Variants in PLCE1 observed in about 807,000 individuals in gnomAD.
The protein encoded by PLCE1 is phospholipase C epsilon 1.
Under a neutral mutation model 242.8 loss-of-function variants are expected in PLCE1, and 119 were observed. That is an observed-to-expected ratio of 0.49 (90% confidence interval 0.42 to 0.57). PLCE1 has a LOEUF of 0.57. Among genes scored for constraint, PLCE1 ranks in the 20% least tolerant of loss-of-function variants. The pLI is 0.00. For synonymous variants in PLCE1, 945 were observed against 1,017.4 expected (o/e 0.93, Z 1.35); for missense variants, 2,441 against 2,788.8 (o/e 0.88, Z 2.81).
intron 19 of PLCE1, among the ~76,000 whole-genome samples, chr10:94,276,585 G>A (rs2051963645): frequency 6.6e-6 from 1 of 152,038 alleles, no homozygotes; most frequent in South Asian, 2.1e-4. Context: ...TTATTATCCT[G>A]GAAGTTTGAG....
chr10:94,007,699 C>CTTTTTTTTTTT (rs80098906), intron 1 of PLCE1, among the ~76,000 whole-genome samples: 2 of 64,114 alleles, frequency 3.1e-5, no homozygotes, highest in African/African-American at 6.0e-5. Context: ...AGCCTACTTT[C>CTTTTTTTTTTT]TTTTTTTTTT....
At chr10:94,214,610 G>A (rs2049454915) in intron 4 of PLCE1, among the ~76,000 whole-genome samples, 1 of 152,064 alleles carries the variant, frequency 6.6e-6, no homozygotes, top group Non-Finnish European at 1.5e-5. Flanking sequence ...GCCAACACAG[G>A]CACACCATTT....
intron 7 of PLCE1, among the ~76,000 whole-genome samples, chr10:94,243,581 A>T (rs545821915): frequency 6.6e-6 from 1 of 152,324 alleles, no homozygotes; most frequent in African/African-American, 2.4e-5. Context: ...ATTTTCTATA[A>T]ATCTAAAACT....
In PLCE1 at chr10:94,031,133, T is replaced by C; in HGVS notation, c.87T>C (p.Ser29=). Residue 29 remains serine, a synonymous_variant, in exon 2 of 33, where the codon AGT becomes AGC. Coordinates refer to ENST00000371380, the MANE Select transcript of PLCE1 (RefSeq NM_016341.4). ...CTGCCCAGTCGGCTGCAGATGAAAGTAGTGAAAAGGTCTCAGACATCAATA... is the reference window on the plus strand; with the variant it reads ...CTGCCCAGTCGGCTGCAGATGAAAGCAGTGAAAAGGTCTCAGACATCAATA... ...VVSAQSAADE[S]SEKVSDINIS... The C allele has an allele frequency of 1.2e-6, 2 of 1,613,800 alleles. No individual in the cohort carries two copies. Among genetic ancestry groups the C allele is most frequent in the Non-Finnish European group, 1.7e-6 (2 of 1,179,824 alleles).
intron 22 of PLCE1, among the ~76,000 whole-genome samples, chr10:94,286,208 C>T (rs139627807): frequency 1.8e-4 from 28 of 152,278 alleles, no homozygotes; most frequent in Non-Finnish European, 3.8e-4. Context: ...ATAGACTTGG[C>T]CTGGAGAGAG....
chr10:94,113,267 C>T (rs1267081257), intron 2 of PLCE1, among the ~76,000 whole-genome samples: 2 of 54,776 alleles, frequency 3.7e-5, no homozygotes, highest in African/African-American at 1.1e-4. Flanking sequence ...AATAAAGCTG[C>T]TGTTAAAAAA....
rs201350449 is a variant in PLCE1, at chr10:94,254,257, G to T, written c.3347G>T (p.Arg1116Leu). The change falls in exon 10 of 33, where the codon CGA becomes CTA. Residue 1116 changes from arginine (R) to leucine (L), a missense_variant. By Grantham distance (102) the Arg-to-Leu change is moderately radical (BLOSUM62 -2). Around this residue, in one of 5 missense-constraint regions of PLCE1, gnomAD observed 1,004 missense variants for 1,322.7 expected, o/e 0.76. Transcript: ENST00000371380. ...TRKAKMHKEC[R>L]SRSGSDPQDI... ...AAGGCCAAGATGCACAAAGAGTGTC[G>T]AAGCCGGAGTGGTTCTGATCCTCAA... 6.2e-7 allele frequency: 1 copy of T among 1,614,018 alleles called. No individual in the cohort carries two copies.
intron 25 of PLCE1, among the ~76,000 whole-genome samples, chr10:94,305,036 T>C (rs992612651): frequency 7.9e-5 from 12 of 152,206 alleles, no homozygotes; most frequent in African/African-American, 2.9e-4. Flanking sequence ...TACAATTAAG[T>C]ATATTTCCTC....
rs35857376 is a variant in PLCE1, at chr10:94,229,201, C to CAA, written c.1955+1758_1955+1759dup. On this transcript the variant is annotated intron_variant, in intron 5 of 32. Coordinates refer to ENST00000371380, the MANE Select transcript of PLCE1 (RefSeq NM_016341.4). ...TGTATCAAAAAACAAAACAAACAAA[C>CAA]AAAAAAAAACAGAAAAAAGAAAATA... Among the ~76,000 whole-genome samples the CAA allele has an allele frequency of 6.8e-3, 1,015 of 148,638 alleles. 9 individuals carry two copies. The highest frequency in any genetic ancestry group is 0.011 in the African/African-American group (446 of 40,512).
intron 2 of PLCE1, among the ~76,000 whole-genome samples, chr10:94,040,358 G>A (rs537999564): frequency 2.3e-4 from 35 of 151,928 alleles, no homozygotes; most frequent in Non-Finnish European, 4.6e-4. Flanking sequence ...CCTAAATGTT[G>A]TTATCTAAAT....
intron 2 of PLCE1, among the ~76,000 whole-genome samples, chr10:94,118,577 A>T (rs985789356): frequency 6.6e-6 from 1 of 152,174 alleles, no homozygotes; most frequent in Non-Finnish European, 1.5e-5. Flanking sequence ...GATGGTTTTA[A>T]AAATGGGAGT....
chr10:94,188,044 C>A (rs989613137), intron 4 of PLCE1, among the ~76,000 whole-genome samples: 1 of 152,060 alleles, frequency 6.6e-6, no homozygotes, highest in East Asian at 1.9e-4. Context: ...ACCATGAGGT[C>A]CCAGTTCCCT....
chr10:94,259,398 C>G (rs1420367759), intron 13 of PLCE1, among the ~76,000 whole-genome samples: 1 of 152,134 alleles, frequency 6.6e-6, no homozygotes, highest in Non-Finnish European at 1.5e-5. Context: ...ATTCTCCTGC[C>G]TCAGCCTCCT....
At chr10:94,058,453 C>T (rs2043963130) in intron 2 of PLCE1, among the ~76,000 whole-genome samples, 1 of 152,224 alleles carries the variant, frequency 6.6e-6, no homozygotes, top group Non-Finnish European at 1.5e-5. Context: ...TGGGAAACAT[C>T]ACATTTCCAC....
chr10:94,216,016 G>T (rs560521146), intron 4 of PLCE1, among the ~76,000 whole-genome samples: 23 of 152,268 alleles, frequency 1.5e-4, no homozygotes, highest in African/African-American at 5.1e-4. Context: ...CTCTGGGGCC[G>T]GCCTGCCTGG....
At chr10:94,222,221 C>G (rs1473982189) in intron 4 of PLCE1, among the ~76,000 whole-genome samples, 2 of 152,138 alleles carry the variant, frequency 1.3e-5, no homozygotes, top group South Asian at 2.1e-4. Flanking sequence ...GGTGAGAATA[C>G]AAGTGAAACT....
At chr10:94,192,792 C>T (rs1235851662) in intron 4 of PLCE1, among the ~76,000 whole-genome samples, 1 of 152,204 alleles carries the variant, frequency 6.6e-6, no homozygotes, top group African/African-American at 2.4e-5. Flanking sequence ...TTTACATTCT[C>T]ACCAACAATG....
intron 4 of PLCE1, among the ~76,000 whole-genome samples, chr10:94,173,715 G>T (rs953003594): frequency 2.0e-5 from 3 of 152,156 alleles, no homozygotes; most frequent in Non-Finnish European, 4.4e-5. Context: ...GTAGAGGCAG[G>T]CTTTGGACTA....
intron 3 of PLCE1, among the ~76,000 whole-genome samples, chr10:94,161,883 CA>C (rs1402908943): frequency 6.6e-6 from 1 of 152,130 alleles, no homozygotes; most frequent in Admixed American, 6.5e-5. Context: ...TGAATTTTGT[CA>C]AAGGCCTTTT....
Sources: allele counts gnomAD v4.1 joint callset (sites outside exome capture counted in the v4.1 genomes callset), GRCh38; gene constraint gnomAD v4.1.1; regional missense constraint gnomAD v4.1.1; transcripts MANE v1.5; gene names NCBI Gene and HGNC (gene_info 2026-07-23, HGNC 2026-07-21).